LRRFIP1: variants seen among roughly 807,000 people sequenced by gnomAD.
LRRFIP1 encodes the protein leucine-rich repeat flightless-interacting protein 1.
LRRFIP1 carries 62 observed loss-of-function variants against 104.4 expected under a neutral mutation model. The observed-to-expected ratio is 0.59, with a 90% confidence interval of 0.48 to 0.73. The LOEUF (loss-of-function observed/expected upper bound fraction) is 0.73. Ranked by LOEUF, LRRFIP1 falls within the 30% of genes least tolerant of loss-of-function variation. LRRFIP1 has a pLI of 0.00. For missense variants in LRRFIP1, 796 were observed against 824.5 expected, an observed-to-expected ratio of 0.97 and a Z score of 0.42; for synonymous variants, 300 against 299.0, an observed-to-expected ratio of 1.00 and a Z score of -0.03.
At chr2:237,643,622 G>A (rs957560845) in intron 1 of LRRFIP1, among the ~76,000 whole-genome samples, 1 of 152,228 alleles carries the variant, frequency 6.6e-6, no homozygotes, top group Non-Finnish European at 1.5e-5. Context: ...TTCTCCCAGG[G>A]GAGAGCCTGG....
chr2:237,747,536 G>A (rs1020388196), intron 11 of LRRFIP1, among the ~76,000 whole-genome samples: 4 of 152,202 alleles, frequency 2.6e-5, no homozygotes, highest in Admixed American at 6.5e-5. Flanking sequence ...CGTGGCCTCC[G>A]CAGCTCTCCA....
At chr2:237,630,112 G>T (rs1574978640) in intron 1 of LRRFIP1, among the ~76,000 whole-genome samples, 1 of 152,198 alleles carries the variant, frequency 6.6e-6, no homozygotes, top group South Asian at 2.1e-4. Context: ...GCCCCTCCCG[G>T]TAAAACCCAG....
At position 237,649,401 on chromosome 2, in the gene LRRFIP1, G is replaced by A. The variant is rs2085515979; in HGVS notation, c.96+21661G>A. On this transcript the variant is annotated intron_variant, in intron 1 of 23. Coordinates refer to ENST00000308482, the MANE Select transcript of LRRFIP1 (RefSeq NM_001137550.2). The surrounding 1 kb of genome is among the most constrained non-coding windows in gnomAD (Gnocchi z 4.1). Reference sequence around the variant, plus strand: ...AAAAAATTAGCCAGGCATAGTGGTGGGTGCCTGTAATCCCAGCTACTGGGG... The same window carrying A: ...AAAAAATTAGCCAGGCATAGTGGTGAGTGCCTGTAATCCCAGCTACTGGGG... Among the ~76,000 whole-genome samples the A allele has an allele frequency of 6.6e-6, 1 of 151,962 alleles. No individual in the cohort carries two copies. The highest frequency in any genetic ancestry group is 2.4e-5 in the African/African-American group (1 of 41,430).
chr2:237,647,637 C>A (rs57830813), intron 1 of LRRFIP1, among the ~76,000 whole-genome samples: 1 of 151,744 alleles, frequency 6.6e-6, no homozygotes, highest in Non-Finnish European at 1.5e-5. Flanking sequence ...CCCTGTTGCC[C>A]AGTGGCCGGG....
chr2:237,694,054 G>C (rs55961000), intron 1 of LRRFIP1, among the ~76,000 whole-genome samples: 99 of 152,302 alleles, frequency 6.5e-4, no homozygotes, highest in Non-Finnish European at 1.2e-3. Flanking sequence ...CGGAAGGTTT[G>C]TGTTTTGTTT....
In LRRFIP1 at chr2:237,708,744, C is replaced by T. The variant is rs3816109; in HGVS notation, c.183+114C>T. ...GCACCTGGCTGTCTCACGTTGCTCA[C>T]GGTCAGAGTGCGTTTGCGCCTGTGA... On this transcript the variant is annotated intron_variant, in intron 2 of 23. Coordinates refer to ENST00000308482, the MANE Select transcript of LRRFIP1 (RefSeq NM_001137550.2). The T allele has an allele frequency of 1.4e-4, 169 of 1,203,044 alleles. No individual in the cohort carries two copies. The East Asian group carries it at 3.4e-3, about 24-fold the overall frequency. The allele number at this position is 1,203,044 out of a possible 1,614,324, so 74.5% of individuals were successfully genotyped here. A position where few individuals can be genotyped will look rare whatever the true frequency, so the allele number is the denominator to read the frequency against.
intron 1 of LRRFIP1, among the ~76,000 whole-genome samples, chr2:237,706,923 C>G (rs1244502507): frequency 6.6e-6 from 1 of 152,204 alleles, no homozygotes; most frequent in Non-Finnish European, 1.5e-5. Context: ...GCCACCATGC[C>G]TAGCCTGGCC....
chr2:237,678,486 G>A (rs751217578), intron 1 of LRRFIP1, among the ~76,000 whole-genome samples: 2 of 152,048 alleles, frequency 1.3e-5, no homozygotes, highest in African/African-American at 2.4e-5. Flanking sequence ...ATCAGATTTA[G>A]ATTAAATTAT....
At chr2:237,764,330 C>G (rs984066490) in intron 19 of LRRFIP1, 4 of 1,494,404 alleles carry the variant, frequency 2.7e-6, no homozygotes, top group Non-Finnish European at 3.6e-6. Flanking sequence ...GGTTATCACC[C>G]AGATTAGAAA....
rs2088022464 is a variant in LRRFIP1 at position 237,661,772 on chromosome 2, G to C, written c.96+34032G>C. On this transcript the variant is annotated intron_variant, in intron 1 of 23. Coordinates refer to ENST00000308482, the MANE Select transcript of LRRFIP1 (RefSeq NM_001137550.2). The surrounding 1 kb of genome is among the most constrained non-coding windows in gnomAD (Gnocchi z 4.4). ...CAGCTCCAGGAAGAGAGAGGGCACT[G>C]TTTTCCTGTTTCCTGAGTCAATCCG... 6.6e-6 allele frequency among the ~76,000 whole-genome samples: 1 copy of C among 152,214 alleles called. No individual in the cohort carries two copies. The highest frequency in any genetic ancestry group is 1.5e-5 in the Non-Finnish European group (1 of 68,044).
Position 237,756,179 on chromosome 2 carries a change from A to G in LRRFIP1, c.1123A>G (p.Met375Val). 6.2e-7 allele frequency: 1 copy of G among 1,613,206 alleles called. No homozygotes were observed. The highest frequency in any genetic ancestry group is 8.5e-7 in the Non-Finnish European group (1 of 1,179,298). ...GGAGGCCCTGAAGCAAAGAGAGGAAATGCTCGAGGTAGGTAGCATTCTCCT... is the reference window on the plus strand; with the variant it reads ...GGAGGCCCTGAAGCAAAGAGAGGAAGTGCTCGAGGTAGGTAGCATTCTCCT... ...VKEALKQREE[M>V]LEEIRQLQQK... is the part of the protein sequence containing the mutation. The change falls in exon 16 of 24, where the codon ATG (methionine) becomes GTG (valine). Residue 375 changes from methionine to valine, a missense_variant. Transcript: ENST00000308482.
chr2:237,760,828 G>T (rs1358832659), intron 19 of LRRFIP1, among the ~76,000 whole-genome samples: 2 of 152,186 alleles, frequency 1.3e-5, no homozygotes, highest in African/African-American at 4.8e-5. Context: ...ATCCTCCTTT[G>T]TATGCCACGT....
chr2:237,628,026 C>A (rs956122797), intron 1 of LRRFIP1, among the ~76,000 whole-genome samples: 9 of 151,626 alleles, frequency 5.9e-5, no homozygotes, highest in South Asian at 2.1e-4. Flanking sequence ...GCCGCTGCGC[C>A]CTCGGGAGAG....
rs149486252 is a variant in LRRFIP1 at position 237,678,685 on chromosome 2, T to C, written c.97-29859T>C. 3.4e-3 allele frequency among the ~76,000 whole-genome samples: 512 copies of C among 152,094 alleles called. 10 individuals are homozygous for C. In the East Asian group the frequency reaches 0.047, roughly 14 times the overall value. On this transcript the variant is annotated intron_variant, in intron 1 of 23. Coordinates refer to ENST00000308482, the MANE Select transcript of LRRFIP1 (RefSeq NM_001137550.2). ...CAAGCCCAGCTAATTTTTGGATTTTTTTAGTAGAGACAAGGTTTCACCATG... is the reference window on the plus strand; with the variant it reads ...CAAGCCCAGCTAATTTTTGGATTTTCTTAGTAGAGACAAGGTTTCACCATG...
chr2:237,633,217 G>A (rs1173522788), intron 1 of LRRFIP1, among the ~76,000 whole-genome samples: 1 of 152,182 alleles, frequency 6.6e-6, no homozygotes. Flanking sequence ...TTGGCAGATC[G>A]TCTACAAGGT....
intron 16 of LRRFIP1, among the ~76,000 whole-genome samples, chr2:237,756,691 C>G (rs1301188383): frequency 6.6e-6 from 1 of 152,218 alleles, no homozygotes; most frequent in East Asian, 1.9e-4. Context: ...AACAGTCCCT[C>G]TCATTGGTGA....
intron 1 of LRRFIP1, among the ~76,000 whole-genome samples, chr2:237,644,540 G>C (rs897328997): frequency 1.7e-4 from 26 of 152,312 alleles, no homozygotes; most frequent in African/African-American, 6.3e-4. Context: ...CGGGTGGCAG[G>C]CTGGAGAATT....
intron 1 of LRRFIP1, among the ~76,000 whole-genome samples, chr2:237,678,750 T>G (rs2091465935): frequency 6.6e-6 from 1 of 152,068 alleles, no homozygotes; most frequent in South Asian, 2.1e-4. Flanking sequence ...TCAAGTGATC[T>G]GCCTGCCGTA....
chr2:237,748,496 C>T, intron 12 of LRRFIP1, 97 bp downstream of exon 12: 4 of 1,168,884 alleles, frequency 3.4e-6, no homozygotes, highest in Non-Finnish European at 4.9e-6. Flanking sequence ...GGATGTTCCC[C>T]AGCGAGGGAA....
Sources: gnomAD v4.1 joint callset for allele counts (sites outside exome capture counted in the v4.1 genomes callset) on GRCh38, gnomAD v4.1.1 for gene constraint, Gnocchi (gnomAD v3.1) non-coding constraint, MANE v1.5 for transcripts, NCBI Gene and HGNC (gene_info 2026-07-23, HGNC 2026-07-21) for gene names.